Variants in RNF166 observed in about 807,000 individuals in gnomAD.
RNF166 encodes the protein E3 ubiquitin-protein ligase RNF166.
A neutral mutation model predicts 29.4 loss-of-function variants in RNF166; 19 were observed. That is an observed-to-expected ratio of 0.65 (90% CI 0.45 to 0.95). The LOEUF (loss-of-function observed/expected upper bound fraction) is 0.95. RNF166 is among the 40% of genes least tolerant of loss of function. The pLI, the probability that RNF166 is intolerant of heterozygous loss-of-function variation, is 0.00. For missense variants in RNF166, 347 were observed against 322.1 expected (o/e 1.08, Z -0.59); for synonymous variants, 171 against 134.5 (o/e 1.27, Z -1.88).
chr16:88,705,360 C>G (rs1003322060), intron 1 of RNF166, among the ~76,000 whole-genome samples: 5 of 152,262 alleles, frequency 3.3e-5, no homozygotes, highest in African/African-American at 9.6e-5. Flanking sequence ...CTCCTGCTCT[C>G]TCTCTCCCCT....
intron 1 of RNF166, chr16:88,704,481 AT>A: frequency 1.0e-6 from 1 of 985,414 alleles, no homozygotes; most frequent in Non-Finnish European, 1.2e-6. Context: ...TGGAAACTAC[AT>A]TTTAGGAAAA....
intron 1 of RNF166, among the ~76,000 whole-genome samples, chr16:88,705,216 C>T (rs1320275645): frequency 6.6e-6 from 1 of 152,186 alleles, no homozygotes; most frequent in African/African-American, 2.4e-5. Context: ...ACCTAGCAGT[C>T]CCAGCTCCCT....
intron 1 of RNF166, among the ~76,000 whole-genome samples, chr16:88,702,015 G>A (rs1239045328): frequency 6.6e-6 from 1 of 152,196 alleles, no homozygotes; most frequent in Non-Finnish European, 1.5e-5. Flanking sequence ...CTGGGCGGAG[G>A]CTCGGGTCCT....
intron 1 of RNF166, 28 bp downstream of exon 1, chr16:88,706,143 C>T: frequency 8.7e-7 from 1 of 1,154,304 alleles, no homozygotes; most frequent in Non-Finnish European, 1.1e-6. Context: ...CGGCCCCCTC[C>T]CCGCGGCCCC....
In RNF166 at chr16:88,704,221, C is replaced by T. The variant is rs988879479; in HGVS notation, c.155+1950G>A. 2.1e-5 allele frequency: 21 copies of T among 985,452 alleles called. 1 individual carries two copies. In the Middle Eastern group the frequency reaches 1.6e-3, roughly 74 times the overall value. 61.0% of individuals were successfully genotyped at this position (985,452 alleles called of 1,614,324 possible). Reference sequence around the variant, plus strand: ...GAAGAGCCTTTAAACTTTCTGTGGTCATTTGCATGCATGCCTTAGCAACAC... The same window carrying T: ...GAAGAGCCTTTAAACTTTCTGTGGTTATTTGCATGCATGCCTTAGCAACAC... On this transcript the variant is annotated intron_variant, in intron 1 of 5. Transcript: ENST00000312838.
At chr16:88,702,472 G>A (rs1338351201) in intron 1 of RNF166, among the ~76,000 whole-genome samples, 2 of 152,204 alleles carry the variant, frequency 1.3e-5, no homozygotes, top group Non-Finnish European at 2.9e-5. Flanking sequence ...AAACGACTCA[G>A]CTGAATTCAG....
At chr16:88,697,917 G>A (rs1351400628) in intron 5 of RNF166, 4 of 484,878 alleles carry the variant, frequency 8.2e-6, no homozygotes, top group African/African-American at 3.9e-5. Flanking sequence ...TGAGCAGGCC[G>A]GCCAGGGCTC....
Position 88,697,348 on chromosome 16 carries a change from A to G in RNF166, c.*220T>C. The stretch of plus-strand genomic sequence containing the variant: ...CCTGCTCGGCCAGAAGCACCGAAGA[A>G]CCCAGCGACGCCGGTGGGACCAGGC... On this transcript the variant is annotated 3_prime_UTR_variant, in exon 6 of 6. Coordinates refer to ENST00000312838, the MANE Select transcript of RNF166 (RefSeq NM_178841.4). 1 of 458,272 alleles carries G rather than the reference A, an allele frequency of 2.2e-6. No homozygotes were observed. The highest frequency in any genetic ancestry group is 3.9e-6 in the Non-Finnish European group (1 of 253,558). The allele number at this position is 458,272 out of a possible 1,614,324, so 28.4% of individuals were successfully genotyped here. A position where few individuals can be genotyped will look rare whatever the true frequency, so the allele number is the denominator to read the frequency against.
At chr16:88,704,766 G>C (rs891989842) in intron 1 of RNF166, among the ~76,000 whole-genome samples, 2 of 152,208 alleles carry the variant, frequency 1.3e-5, no homozygotes, top group Admixed American at 1.3e-4. Flanking sequence ...GAGACGGGCA[G>C]GTCACCGGAG....
In RNF166 at chr16:88,697,326, G is replaced by A; in HGVS notation, c.*242C>T. ...CCAGCCCTGCCCAAGTAGGCCGCCTGCTCGGCCAGAAGCACCGAAGAACCC... is the reference window on the plus strand; with the variant it reads ...CCAGCCCTGCCCAAGTAGGCCGCCTACTCGGCCAGAAGCACCGAAGAACCC... On this transcript the variant is annotated 3_prime_UTR_variant, in exon 6 of 6. Transcript: ENST00000312838. 2.4e-6 allele frequency: 1 copy of A among 411,170 alleles called. No individual in the cohort carries two copies. The highest frequency in any genetic ancestry group is 4.4e-6 in the Non-Finnish European group (1 of 225,732). The allele number at this position is 411,170 out of a possible 1,614,324, so 25.5% of individuals were successfully genotyped here. A position where few individuals can be genotyped will look rare whatever the true frequency, so the allele number is the denominator to read the frequency against.
At chr16:88,697,869 C>T (rs1909789312) in intron 5 of RNF166, 7 of 512,752 alleles carry the variant, frequency 1.4e-5, no homozygotes, top group Non-Finnish European at 2.5e-5. Context: ...TGGATGGCTG[C>T]TGGTTCAGGT....
intron 1 of RNF166, among the ~76,000 whole-genome samples, chr16:88,705,242 C>G (rs908619608): frequency 6.6e-6 from 1 of 152,212 alleles, no homozygotes; most frequent in African/African-American, 2.4e-5. Context: ...CCAGGAGCCC[C>G]TGAAGTCAGC....
chr16:88,701,289 T>G lies in RNF166; in HGVS notation c.285A>C (p.Lys95Asn). The G allele has an allele frequency of 6.2e-7, 1 of 1,613,738 alleles. No homozygotes were observed. The highest frequency in any genetic ancestry group is 8.5e-7 in the Non-Finnish European group (1 of 1,179,946). The stretch of plus-strand genomic sequence containing the variant: ...TTTTGTTGCAGCCTCGACAGGGCGC[T>G]TTGTAGGATGAGAGCTGCTTCTCCA... ...THVEKQLSSY[K>N]APCRGCNKKV... is the part of the protein sequence containing the mutation. The change falls in exon 2 of 6, where the codon AAA becomes AAC. Residue 95 changes from lysine to asparagine, a missense_variant. Physicochemically the swap from Lys to Asn is moderately conservative, Grantham distance 94. Transcript: ENST00000312838.
rs991681587 is a variant in RNF166, at chr16:88,697,354, C to G, written c.*214G>C. ...CGGCCAGAAGCACCGAAGAACCCAGCGACGCCGGTGGGACCAGGCGGCCCT... is the reference window on the plus strand; with the variant it reads ...CGGCCAGAAGCACCGAAGAACCCAGGGACGCCGGTGGGACCAGGCGGCCCT... On this transcript the variant is annotated 3_prime_UTR_variant, in exon 6 of 6. Transcript: ENST00000312838. 3 of 462,562 alleles carry G rather than the reference C, an allele frequency of 6.5e-6. No individual in the cohort carries two copies. The highest frequency in any genetic ancestry group is 1.2e-5 in the Non-Finnish European group (3 of 256,054). 28.7% of individuals were successfully genotyped at this position (462,562 alleles called of 1,614,324 possible). A position where few individuals can be genotyped will look rare whatever the true frequency, so the allele number is the denominator to read the frequency against.
At chr16:88,704,259 AAGTT>A (rs1910547907) in intron 1 of RNF166, 13 of 985,476 alleles carry the variant, frequency 1.3e-5, no homozygotes, top group African/African-American at 1.7e-5. Flanking sequence ...ACAAGAAACA[AAGTT>A]AGAAGCAGAG....
Position 88,697,543 on chromosome 16 carries a change from C to A in RNF166, c.*25G>T. The A allele has an allele frequency of 1.3e-6, 2 of 1,536,652 alleles. No individual in the cohort carries two copies. Among genetic ancestry groups the A allele is most frequent in the Non-Finnish European group, 1.8e-6 (2 of 1,137,110 alleles). ...GAGCGGGGACATCCCTGACCCCAGA[C>A]GCAGGCGGGTGGCTGCGCTTCCCTT... On this transcript the variant is annotated 3_prime_UTR_variant, in exon 6 of 6. Transcript: ENST00000312838.
intron 1 of RNF166, chr16:88,704,044 G>A: frequency 3.0e-6 from 3 of 985,472 alleles, no homozygotes; most frequent in Non-Finnish European, 3.6e-6. Context: ...GCCCCCAGGG[G>A]GCCTCCTGCG....
intron 1 of RNF166, chr16:88,702,951 G>A (rs1427729140): frequency 4.1e-6 from 4 of 984,972 alleles, no homozygotes; most frequent in Non-Finnish European, 3.6e-6. Flanking sequence ...CTCATGGCAG[G>A]AGAAGCGGAA....
intron 2 of RNF166, 51 bp from the exon 3 acceptor site, chr16:88,699,783 C>G (rs750768094): frequency 7.0e-7 from 1 of 1,426,556 alleles, no homozygotes; most frequent in African/African-American, 1.4e-5. Flanking sequence ...CTGGAAGGGC[C>G]GTCCTGGGGA....
Sources: allele counts gnomAD v4.1 joint callset (sites outside exome capture counted in the v4.1 genomes callset), GRCh38; gene constraint gnomAD v4.1.1; transcripts MANE v1.5; gene names NCBI Gene and HGNC (gene_info 2026-07-23, HGNC 2026-07-21).